The following AQP9 variants were observed in gnomAD, a reference collection of about 807,000 sequenced individuals.
AQP9 encodes the protein aquaporin 9, also known as aquaporin-9.
A neutral mutation model predicts 23.8 loss-of-function variants in AQP9; 19 were observed. The ratio of observed to expected loss-of-function variants is 0.80; its 90% CI spans 0.56 to 1.17. AQP9 has a LOEUF of 1.17. AQP9 is among the 50% of genes most tolerant of loss of function. AQP9 has a pLI of 0.00. For missense variants in AQP9, 413 were observed against 362.0 expected (o/e 1.14, Z -1.14); for synonymous variants, 153 against 131.5 (o/e 1.16, Z -1.12).
intron 2 of AQP9, among the ~76,000 whole-genome samples, chr15:58,170,420 T>C (rs1465709944): frequency 1.3e-5 from 2 of 152,114 alleles, no homozygotes; most frequent in African/African-American, 4.8e-5. Flanking sequence ...TTTCTTTTTT[T>C]TTTTTAATGG....
intron 1 of AQP9, chr15:58,150,897 T>C (rs1055703536): frequency 6.6e-6 from 1 of 152,214 alleles, no homozygotes; most frequent in Non-Finnish European, 1.5e-5. Flanking sequence ...ACAGCCCTTA[T>C]ACTAATTATC....
chr15:58,138,784 C>A (rs770589578), intron 1 of AQP9, 108 bp downstream of exon 1: 1 of 895,176 alleles, frequency 1.1e-6, no homozygotes, highest in Non-Finnish European at 1.7e-6. Flanking sequence ...TAATTGGGAT[C>A]AGATTCATCT....
rs1001392429 is a variant in AQP9, at chr15:58,184,930, C to T, written c.*795C>T. On this transcript the variant is annotated 3_prime_UTR_variant, in exon 6 of 6. Transcript: ENST00000219919. The stretch of plus-strand genomic sequence containing the variant: ...AATACATCACTCTGTCTTTTTAGCT[C>T]AAATGTATTTTCCTAATTGCCCACT... 2 of 151,922 alleles carry T rather than the reference C, an allele frequency of 1.3e-5. No individual in the cohort carries two copies. The highest frequency in any genetic ancestry group is 6.6e-5 in the Admixed American group (1 of 15,236). The allele number at this position is 151,922 out of a possible 1,614,324, so 9.4% of individuals were successfully genotyped here.
intron 1 of AQP9, among the ~76,000 whole-genome samples, chr15:58,163,720 T>G (rs1277312942): frequency 6.6e-6 from 1 of 152,050 alleles, no homozygotes; most frequent in Non-Finnish European, 1.5e-5. Flanking sequence ...TTCTTGAAGG[T>G]GAGATCAGGG....
intron 2 of AQP9, among the ~76,000 whole-genome samples, chr15:58,171,280 C>T (rs555419005): frequency 3.0e-4 from 46 of 151,822 alleles, no homozygotes; most frequent in Admixed American, 4.6e-4. Flanking sequence ...GTAGAGACGG[C>T]GTTTCACCAT....
chr15:58,139,053 A>T (rs1478896480), intron 1 of AQP9, among the ~76,000 whole-genome samples: 1 of 152,222 alleles, frequency 6.6e-6, no homozygotes, highest in Non-Finnish European at 1.5e-5. Context: ...TGACTCAGCC[A>T]CCTGGAATAA....
At chr15:58,145,207 C>T (rs1014840913) in intron 1 of AQP9, among the ~76,000 whole-genome samples, 2 of 151,660 alleles carry the variant, frequency 1.3e-5, no homozygotes, top group Non-Finnish European at 1.5e-5. Flanking sequence ...TTTCTATTAA[C>T]GTATTTACCC....
At chr15:58,157,809 AT>A (rs1176597913) in intron 1 of AQP9, among the ~76,000 whole-genome samples, 1 of 152,178 alleles carries the variant, frequency 6.6e-6, no homozygotes, top group African/African-American at 2.4e-5. Flanking sequence ...CAGAAAATCG[AT>A]TTTGCATAAA....
chr15:58,157,706 T>C (rs1299821848), intron 1 of AQP9, among the ~76,000 whole-genome samples: 1 of 152,026 alleles, frequency 6.6e-6, no homozygotes, highest in East Asian at 1.9e-4. Flanking sequence ...GAGGAAAGGG[T>C]TTAACTCTAC....
intron 1 of AQP9, among the ~76,000 whole-genome samples, chr15:58,143,432 T>C (rs1897985252): frequency 6.6e-6 from 1 of 152,220 alleles, no homozygotes; most frequent in Non-Finnish European, 1.5e-5. Context: ...GAGGTAAAGA[T>C]ACTGCTCTCA....
chr15:58,164,803 T>C (rs1318828640), intron 1 of AQP9, among the ~76,000 whole-genome samples: 2 of 152,162 alleles, frequency 1.3e-5, no homozygotes, highest in East Asian at 3.9e-4. Flanking sequence ...ATCTCTTGTT[T>C]GTAACTTATT....
intron 1 of AQP9, among the ~76,000 whole-genome samples, chr15:58,141,117 G>C (rs374574460): frequency 2.0e-5 from 3 of 152,164 alleles, no homozygotes; most frequent in Admixed American, 6.5e-5. Context: ...TTACTAGTGT[G>C]GGGGGAAAGT....
chr15:58,178,252 C>CA (rs1230856283), intron 4 of AQP9, among the ~76,000 whole-genome samples: 32 of 152,018 alleles, frequency 2.1e-4, no homozygotes, highest in Middle Eastern at 3.4e-3. Context: ...CAAACACAAA[C>CA]AAAAAAATAC....
In AQP9 at chr15:58,158,716, A is replaced by G. The variant is rs146788157; in HGVS notation, c.112-7957A>G. 6.6e-3 allele frequency among the ~76,000 whole-genome samples: 999 copies of G among 152,318 alleles called. 9 individuals carry two copies. The highest frequency in any genetic ancestry group is 0.014 in the Middle Eastern group (4 of 294). On this transcript the variant is annotated intron_variant, in intron 1 of 5. Coordinates refer to ENST00000219919, the MANE Select transcript of AQP9 (RefSeq NM_020980.5). ...ACTCTATACACTACAACATTCTTTT[A>G]GTATTCATTAATTCTGAAAATACAA... is the stretch of plus-strand genomic sequence containing the variant.
At chr15:58,175,561 A>C (rs569040724) in intron 4 of AQP9, among the ~76,000 whole-genome samples, 1 of 152,338 alleles carries the variant, frequency 6.6e-6, no homozygotes, top group South Asian at 2.1e-4. Flanking sequence ...ACTGTGGTGT[A>C]ACCAATAGCA....
Position 58,144,970 on chromosome 15 carries a change from C to T in AQP9, c.111+6294C>T, listed in dbSNP as rs538543961. On this transcript the variant is annotated intron_variant, in intron 1 of 5. Coordinates refer to ENST00000219919, the MANE Select transcript of AQP9 (RefSeq NM_020980.5). ...TGGAGGTTGCAGTGAGCTGAGATTGCGCCACTGCACTCTGGCCTGGGCGAT... is the reference window on the plus strand; with the variant it reads ...TGGAGGTTGCAGTGAGCTGAGATTGTGCCACTGCACTCTGGCCTGGGCGAT... 4.6e-4 allele frequency among the ~76,000 whole-genome samples: 67 copies of T among 144,638 alleles called. 1 individual carries two copies. Among genetic ancestry groups the T allele is most frequent in the African/African-American group, 1.6e-3 (63 of 38,538 alleles). The allele number at this position is 144,638 out of a possible 152,430, so 94.9% of individuals were successfully genotyped here. A position where few individuals can be genotyped will look rare whatever the true frequency, so the allele number is the denominator to read the frequency against.
At chr15:58,147,000 T>A (rs552501749) in intron 1 of AQP9, 2 of 152,152 alleles carry the variant, frequency 1.3e-5, no homozygotes, top group African/African-American at 4.8e-5. Context: ...CTTCCCCCTA[T>A]CAGCAATGAA....
intron 1 of AQP9, among the ~76,000 whole-genome samples, chr15:58,145,026 A>C (rs1355789109): frequency 6.6e-6 from 1 of 151,572 alleles, no homozygotes; most frequent in Non-Finnish European, 1.5e-5. Flanking sequence ...AAAAAAAAAA[A>C]AAAAAAAGAT....
At chr15:58,146,670 T>C (rs1898050573) in intron 1 of AQP9, 1 of 152,210 alleles carries the variant, frequency 6.6e-6, no homozygotes, top group Non-Finnish European at 1.5e-5. Flanking sequence ...GGGAGATTTA[T>C]TTTTCCCTGT....
Sources: gnomAD v4.1 joint callset for allele counts (sites outside exome capture counted in the v4.1 genomes callset) on GRCh38, gnomAD v4.1.1 for gene constraint, MANE v1.5 for transcripts, NCBI Gene and HGNC (gene_info 2026-07-23, HGNC 2026-07-21) for gene names.